The following PPP2R3A variants were observed in gnomAD, a reference collection of about 807,000 sequenced individuals.
PPP2R3A encodes serine/threonine-protein phosphatase 2A regulatory subunit B'' subunit alpha.
A neutral mutation model predicts 106.9 loss-of-function variants in PPP2R3A; 80 were observed. The ratio of observed to expected loss-of-function variants is 0.75; its 90% CI spans 0.62 to 0.90. The LOEUF (loss-of-function observed/expected upper bound fraction) is 0.90, where lower values mean the gene tolerates loss of function less well. PPP2R3A is among the 40% of genes least tolerant of loss of function. PPP2R3A has a pLI of 0.00. For synonymous variants in PPP2R3A, 483 were observed against 468.3 expected, an observed-to-expected ratio of 1.03 and a Z score of -0.41; for missense variants, 1,386 against 1,350.4, an observed-to-expected ratio of 1.03 and a Z score of -0.41.
At chr3:136,041,003 T>C (rs1173123842) in intron 4 of PPP2R3A, 41 bp downstream of exon 4, 1 of 1,535,334 alleles carries the variant, frequency 6.5e-7, no homozygotes, top group Admixed American at 1.8e-5. Context: ...GGCAAAGAAT[T>C]GTGTGACCCT....
chr3:136,019,537 T>C (rs1934390897), intron 2 of PPP2R3A, among the ~76,000 whole-genome samples: 1 of 152,188 alleles, frequency 6.6e-6, no homozygotes, highest in Non-Finnish European at 1.5e-5. Context: ...TTCCCCTATG[T>C]TTGATCTTTT....
chr3:135,982,878 G>A (rs896971673), intron 1 of PPP2R3A, among the ~76,000 whole-genome samples: 1 of 152,164 alleles, frequency 6.6e-6, no homozygotes. Flanking sequence ...ATTCAGGCTT[G>A]TGTCCTATGG....
chr3:136,103,642 CAAAA>C (rs917029960), intron 12 of PPP2R3A, among the ~76,000 whole-genome samples: 4 of 151,848 alleles, frequency 2.6e-5, no homozygotes, highest in African/African-American at 9.7e-5. Flanking sequence ...ACACTGGAAA[CAAAA>C]GAGTAGTTTT....
At chr3:136,078,159 T>G (rs925059608) in intron 6 of PPP2R3A, among the ~76,000 whole-genome samples, 3 of 152,254 alleles carry the variant, frequency 2.0e-5, no homozygotes, top group Non-Finnish European at 4.4e-5. Flanking sequence ...GAGAATTTTT[T>G]TTATTCTTCT....
intron 2 of PPP2R3A, chr3:136,022,785 A>C: frequency 8.5e-7 from 1 of 1,181,274 alleles, no homozygotes; most frequent in Non-Finnish European, 1.0e-6. Flanking sequence ...ATTTGACATA[A>C]AGCTACCAAC....
At chr3:135,965,959 C>T (rs1263676776) in intron 1 of PPP2R3A, 110 bp downstream of exon 1, 2 of 147,264 alleles carry the variant, frequency 1.4e-5, no homozygotes, top group South Asian at 2.2e-4. Context: ...CGGGCGGGGC[C>T]GGGACCTGGG....
chr3:136,032,925 A>G (rs1934958023), intron 3 of PPP2R3A, among the ~76,000 whole-genome samples: 2 of 152,302 alleles, frequency 1.3e-5, no homozygotes, highest in South Asian at 2.1e-4. Context: ...GAAGAAGAGT[A>G]GTAAGAGTGG....
At chr3:136,108,889 G>A (rs943747312) in intron 13 of PPP2R3A, among the ~76,000 whole-genome samples, 4 of 152,100 alleles carry the variant, frequency 2.6e-5, no homozygotes, top group African/African-American at 7.2e-5. Context: ...GCATAAAGAT[G>A]CTGATAGATA....
At chr3:136,117,262 C>G (rs539963874) in intron 13 of PPP2R3A, among the ~76,000 whole-genome samples, 13 of 152,270 alleles carry the variant, frequency 8.5e-5, no homozygotes, top group African/African-American at 2.6e-4. Context: ...ATTCATAGCA[C>G]TAAATGCCCA....
intron 1 of PPP2R3A, among the ~76,000 whole-genome samples, chr3:135,979,122 TA>T (rs1258430341): frequency 1.3e-5 from 2 of 151,866 alleles, no homozygotes; most frequent in Non-Finnish European, 2.9e-5. Context: ...CTCATGCCTG[TA>T]ATCCCAGCAC....
chr3:136,089,797 C>G (rs921335823), intron 9 of PPP2R3A, among the ~76,000 whole-genome samples: 1 of 151,920 alleles, frequency 6.6e-6, no homozygotes, highest in Non-Finnish European at 1.5e-5. Flanking sequence ...GTGTTGTAGT[C>G]CTCCCTGTAG....
At chr3:136,102,994 T>G (rs1937418240) in intron 11 of PPP2R3A, among the ~76,000 whole-genome samples, 1 of 152,298 alleles carries the variant, frequency 6.6e-6, no homozygotes, top group Admixed American at 6.5e-5. Context: ...TGTACAACAT[T>G]GTGAGTGTAC....
chr3:135,992,784 A>G (rs992192848), intron 1 of PPP2R3A, among the ~76,000 whole-genome samples: 1 of 152,176 alleles, frequency 6.6e-6, no homozygotes. Context: ...AGCGCCAGAT[A>G]AAGATTTTAA....
intron 6 of PPP2R3A, among the ~76,000 whole-genome samples, chr3:136,072,848 T>C (rs1455587638): frequency 1.3e-5 from 2 of 152,298 alleles, no homozygotes; most frequent in South Asian, 2.1e-4. Context: ...TAGTTTGATA[T>C]TTCTTTTTTT....
intron 5 of PPP2R3A, among the ~76,000 whole-genome samples, chr3:136,061,317 A>G (rs974100650): frequency 2.0e-4 from 30 of 152,208 alleles, no homozygotes; most frequent in Admixed American, 1.8e-3. Context: ...GCTAAAATAT[A>G]TAAGTCTTTG....
chr3:136,132,867 A>G (rs908741472), intron 13 of PPP2R3A, among the ~76,000 whole-genome samples: 5 of 152,248 alleles, frequency 3.3e-5, no homozygotes, highest in East Asian at 1.9e-4. Flanking sequence ...CTGTAAACCA[A>G]TCATCAAGAC....
chr3:136,129,162 T>A (rs1938302002), intron 13 of PPP2R3A, among the ~76,000 whole-genome samples: 1 of 147,600 alleles, frequency 6.8e-6, no homozygotes, highest in South Asian at 2.2e-4. Context: ...AAGAAATAAC[T>A]AAGATTAGAG....
chr3:136,010,932 A>G (rs1210890324), intron 2 of PPP2R3A, among the ~76,000 whole-genome samples: 2 of 152,130 alleles, frequency 1.3e-5, no homozygotes, highest in Non-Finnish European at 2.9e-5. Flanking sequence ...TAGTGCTCCA[A>G]CATACCAGTT....
At chr3:135,995,770 G>A (rs865827662) in intron 1 of PPP2R3A, among the ~76,000 whole-genome samples, 3 of 152,068 alleles carry the variant, frequency 2.0e-5, no homozygotes, top group South Asian at 2.1e-4. Context: ...ACCACACCTG[G>A]CCTGATGGAT....
Sources: gnomAD v4.1 joint callset for allele counts (sites outside exome capture counted in the v4.1 genomes callset) on GRCh38, gnomAD v4.1.1 for gene constraint, MANE v1.5 for transcripts, NCBI Gene and HGNC (gene_info 2026-07-23, HGNC 2026-07-21) for gene names.